IRF3: variants seen among roughly 807,000 people sequenced by gnomAD.
The protein encoded by IRF3 is interferon regulatory factor 3.
In IRF3, 29 loss-of-function variants were observed where a neutral mutation model predicts 43.2. The observed-to-expected ratio is 0.67, with a 90% CI of 0.50 to 0.91. The LOEUF is 0.91. Among genes scored for constraint, IRF3 ranks in the 40% least tolerant of loss-of-function variants. The pLI, the probability that IRF3 is intolerant of heterozygous loss-of-function variation, is 0.00. For missense variants in IRF3, 505 were observed against 559.1 expected (o/e 0.90, Z 0.98); for synonymous variants, 228 against 233.9 (o/e 0.97, Z 0.23).
Position 49,665,834 on chromosome 19 carries a change from C to A in IRF3, c.-212G>T. The A allele has an allele frequency of 6.3e-7, 1 of 1,596,812 alleles. No individual in the cohort carries two copies. Reference sequence around the variant, plus strand: ...CAGACCCAAAAGCCGATGGGACGGCCCGCTGGGCTGTTCCCGCCCCTATGC... The same window carrying A: ...CAGACCCAAAAGCCGATGGGACGGCACGCTGGGCTGTTCCCGCCCCTATGC... On this transcript the variant is annotated 5_prime_UTR_variant, in exon 1 of 8. Transcript: ENST00000377139.
In IRF3 at chr19:49,664,663, G is replaced by T; in HGVS notation, c.165+11C>A. The T allele has an allele frequency of 1.2e-6, 2 of 1,611,044 alleles. No individual in the cohort carries two copies. Among genetic ancestry groups the T allele is most frequent in the African/African-American group, 1.3e-5 (1 of 74,970 alleles). On this transcript the variant is annotated intron_variant, in intron 2 of 7. Transcript: ENST00000377139. ...CTCCGGGTTTCCAGCGTCCCAGGTC[G>T]TCGCACGCACCTGGAAGATTCCGAA...
At chr19:49,665,077 C>CAGA in intron 1 of IRF3, 1 of 522,640 alleles carries the variant, frequency 1.9e-6, no homozygotes, top group South Asian at 2.4e-5. Context: ...CCAGCGTCTT[C>CAGA]AGTGCAGACC....
intron 5 of IRF3, 33 bp downstream of exon 5, chr19:49,662,392 C>T: frequency 6.3e-7 from 1 of 1,595,732 alleles, no homozygotes; most frequent in Non-Finnish European, 8.6e-7. Flanking sequence ...GCCGCCCAGA[C>T]CTCAGCCCTC....
rs1243601253 is a variant in IRF3 at position 49,665,850 on chromosome 19, G to GC, written c.-229dup. The GC allele has an allele frequency of 6.2e-7, 1 of 1,603,622 alleles. No individual in the cohort carries two copies. Among genetic ancestry groups the GC allele is most frequent in the Non-Finnish European group, 8.5e-7 (1 of 1,171,384 alleles). On this transcript the variant is annotated 5_prime_UTR_variant, in exon 1 of 8. Coordinates refer to ENST00000377139, the MANE Select transcript of IRF3 (RefSeq NM_001571.6). ...TGGGACGGCCCGCTGGGCTGTTCCCGCCCCTATGCCCTTTTTTGGGTTTCC... is the reference window on the plus strand; with the variant it reads ...TGGGACGGCCCGCTGGGCTGTTCCCGCCCCCTATGCCCTTTTTTGGGTTTCC...
In IRF3 at chr19:49,661,758, T is replaced by C. The variant is rs189462130; in HGVS notation, c.982+190A>G. ...CCACGCCCGACTATTTTTTTGTATCTTTAGTAGAGATGGGGTTTCACTATG... is the reference window on the plus strand; with the variant it reads ...CCACGCCCGACTATTTTTTTGTATCCTTAGTAGAGATGGGGTTTCACTATG... On this transcript the variant is annotated intron_variant, in intron 6 of 7. Transcript: ENST00000377139. The C allele has an allele frequency of 2.8e-5, 19 of 676,210 alleles. No individual in the cohort carries two copies. The African/African-American group carries it at 3.2e-4, about 11-fold the overall frequency. The allele number at this position is 676,210 out of a possible 1,614,324, so 41.9% of individuals were successfully genotyped here.
rs941749156 is a variant in IRF3 at position 49,659,631 on chromosome 19, C to T, written c.*17G>A. On this transcript the variant is annotated 3_prime_UTR_variant, in exon 8 of 8. Transcript: ENST00000377139. Reference sequence around the variant, plus strand: ...GGGGAACAGGGGGGTTGGAGGCACACCATGAGGAGCGAGGGCTCAGCTCTC... The same window carrying T: ...GGGGAACAGGGGGGTTGGAGGCACATCATGAGGAGCGAGGGCTCAGCTCTC... 2 of 1,605,686 alleles carry T rather than the reference C, an allele frequency of 1.2e-6. No individual in the cohort carries two copies. Among genetic ancestry groups the T allele is most frequent in the Admixed American group, 1.7e-5 (1 of 58,322 alleles).
intron 6 of IRF3, among the ~76,000 whole-genome samples, chr19:49,661,204 TA>T (rs1284257741): frequency 6.6e-6 from 1 of 152,208 alleles, no homozygotes; most frequent in African/African-American, 2.4e-5. Flanking sequence ...TGTAACCAAT[TA>T]AAACGAATCA....
At chr19:49,659,996 C>CAGAT (rs770396432) in intron 7 of IRF3, among the ~76,000 whole-genome samples, 163 bp from the exon 8 acceptor site, 1 of 120,548 alleles carries the variant, frequency 8.3e-6, no homozygotes, top group African/African-American at 3.7e-5. Context: ...CACACACACA[C>CAGAT]ACACACACAC....
rs1310644193 is a variant in IRF3 at position 49,659,762 on chromosome 19, A to G, written c.1170T>C (p.Thr390=). Residue 390 remains threonine, a synonymous_variant, in exon 8 of 8, where the codon ACT becomes ACC. Coordinates refer to ENST00000377139, the MANE Select transcript of IRF3 (RefSeq NM_001571.6). ...GGCTGTTGGAAATGTGCAGGTCCAC[A>G]GTATTCTCCAGGGAGGAGGCACCCC... ...RVGGASSLEN[T]VDLHISNSHP... 5.0e-6 allele frequency: 8 copies of G among 1,613,710 alleles called. No homozygotes were observed. The highest frequency in any genetic ancestry group is 1.7e-4 in the Middle Eastern group (1 of 6,052).
In IRF3 at chr19:49,665,444, CTCTTTCCT is replaced by C. The variant is rs1488394341; in HGVS notation, c.-9+179_-9+186del. 36 of 197,458 alleles carry C rather than the reference CTCTTTCCT, an allele frequency of 1.8e-4. No homozygotes were observed. In the East Asian group the frequency reaches 2.0e-3, roughly 11 times the overall value. 12.2% of individuals were successfully genotyped at this position (197,458 alleles called of 1,614,324 possible). ...CTCAGTGTAGACGCCTCCTCTTTTC[CTCTTTCCT>C]CCCTACTTTTTCTAGTTTTTCTGCA... On this transcript the variant is annotated intron_variant, in intron 1 of 7. Coordinates refer to ENST00000377139, the MANE Select transcript of IRF3 (RefSeq NM_001571.6).
chr19:49,664,775 C>G lies in IRF3; in HGVS notation c.64G>C (p.Glu22Gln). The G allele has an allele frequency of 1.9e-6, 3 of 1,614,008 alleles. No individual in the cohort carries two copies. The highest frequency in any genetic ancestry group is 2.5e-6 in the Non-Finnish European group (3 of 1,179,978). The change falls in exon 2 of 8, where the codon GAG becomes CAG. Residue 22 changes from glutamate to glutamine, a missense_variant. By Grantham distance (29) the Glu-to-Gln change is conservative. Transcript: ENST00000377139. ...LVSQLDLGQL[E>Q]GVAWVNKSRT... ...CTCTTGTTCACCCAGGCCACGCCCT[C>G]CAGTTGCCCCAGGTCCAGCTGCGAC...
At chr19:49,665,594 G>A (rs1404417977) in intron 1 of IRF3, 37 bp downstream of exon 1, 3 of 546,950 alleles carry the variant, frequency 5.5e-6, no homozygotes, top group Admixed American at 6.3e-5. Flanking sequence ...CTCGCTCTCG[G>A]ACGCCACCAA....
Position 49,665,785 on chromosome 19 carries a change from C to T in IRF3, c.-163G>A, listed in dbSNP as rs2081703944. 6.4e-7 allele frequency: 1 copy of T among 1,560,370 alleles called. No individual in the cohort carries two copies. The highest frequency in any genetic ancestry group is 1.9e-5 in the Admixed American group (1 of 52,638). ...TTTTGATCGACTTCTTGAAATAAAA[C>T]CAACTTTATCATTCTTTGGGTAACA... On this transcript the variant is annotated 5_prime_UTR_variant, in exon 1 of 8. Transcript: ENST00000377139.
At chr19:49,659,996 C>CATACAT (rs770396432) in intron 7 of IRF3, among the ~76,000 whole-genome samples, 163 bp from the exon 8 acceptor site, 1 of 120,548 alleles carries the variant, frequency 8.3e-6, no homozygotes, top group Non-Finnish European at 1.7e-5. Flanking sequence ...CACACACACA[C>CATACAT]ACACACACAC....
Position 49,662,089 on chromosome 19 carries a change from G to A in IRF3, c.841C>T (p.Leu281Phe), listed in dbSNP as rs1408174391. 1.2e-6 allele frequency: 2 copies of A among 1,613,710 alleles called. No individual in the cohort carries two copies. The highest frequency in any genetic ancestry group is 1.1e-5 in the South Asian group (1 of 91,074). Residue 281 changes from leucine (L) to phenylalanine (F), a missense_variant, in exon 6 of 8, where the codon CTC (leucine) becomes TTC (phenylalanine). Transcript: ENST00000377139. ...GLALWRAGQW[L>F]WAQRLGHCHT... ...CAGTGCCCCAGCCGCTGGGCCCAGA[G>A]CCACTGCCCGGCCCGCCAGAGAGCC...
At position 49,662,435 on chromosome 19, in the gene IRF3, C is replaced by G; in HGVS notation, c.591G>C (p.Val197=). Residue 197 remains valine (V), a synonymous_variant, in exon 5 of 8, where the codon GTG becomes GTC. Transcript: ENST00000377139. The part of the protein sequence containing the change: ...PSENPLKRLL[V]PGEEWEFEVT... Reference sequence around the variant, plus strand: ...GCAGCTGACACTCACCTTCCCCCGGCACCAACAGCCGCTTCAGTGGGTTCT... The same window carrying G: ...GCAGCTGACACTCACCTTCCCCCGGGACCAACAGCCGCTTCAGTGGGTTCT... 1 of 1,595,206 alleles carries G rather than the reference C, an allele frequency of 6.3e-7. No homozygotes were observed. Among genetic ancestry groups the G allele is most frequent in the Non-Finnish European group, 8.5e-7 (1 of 1,170,986 alleles).
At chr19:49,662,382 G>A in intron 5 of IRF3, 43 bp downstream of exon 5, 1 of 1,600,418 alleles carries the variant, frequency 6.2e-7, no homozygotes, top group South Asian at 1.1e-5. Context: ...ATCAGGGGCT[G>A]CCGCCCAGAC....
intron 2 of IRF3, 175 bp downstream of exon 2, chr19:49,664,499 C>T (rs529450615): frequency 1.4e-5 from 22 of 1,563,366 alleles, no homozygotes; most frequent in Non-Finnish European, 1.9e-5. Context: ...TTGCGCCCCA[C>T]CATCAGTCAG....
chr19:49,660,025 A>ACACACACC lies in IRF3; in HGVS notation c.1099-193_1099-192insGGTGTGTG, dbSNP rs1568451939. On this transcript the variant is annotated intron_variant, in intron 7 of 7. Coordinates refer to ENST00000377139, the MANE Select transcript of IRF3 (RefSeq NM_001571.6). ...CACACACACACACACACACACACAC[A>ACACACACC]CACCCCCTGCTGTAACTGAACCATA... 1.9e-4 allele frequency among the ~76,000 whole-genome samples: 21 copies of ACACACACC among 110,244 alleles called. 1 individual carries two copies. Among genetic ancestry groups the ACACACACC allele is most frequent in the African/African-American group, 9.9e-4 (21 of 21,156 alleles). The allele number at this position is 110,244 out of a possible 152,430, so 72.3% of individuals were successfully genotyped here. A position where few individuals can be genotyped will look rare whatever the true frequency, so the allele number is the denominator to read the frequency against.
Sources: gnomAD v4.1 joint callset for allele counts (sites outside exome capture counted in the v4.1 genomes callset) on GRCh38, gnomAD v4.1.1 for gene constraint, MANE v1.5 for transcripts, NCBI Gene and HGNC (gene_info 2026-07-23, HGNC 2026-07-21) for gene names.